Variants in PITPNM2 observed in about 807,000 individuals in gnomAD.
The protein encoded by PITPNM2 is membrane-associated phosphatidylinositol transfer protein 2.
In PITPNM2, 35 loss-of-function variants were observed where a neutral mutation model predicts 132.2. The observed-to-expected ratio is 0.26, with a 90% CI of 0.20 to 0.35. The LOEUF is 0.35. Ranked by LOEUF, PITPNM2 falls within the 10% of genes least tolerant of loss-of-function variation. The probability of loss-of-function intolerance (pLI) is 1.00; values close to 1 mark genes in which losing one functional copy is unlikely to be tolerated. For missense variants in PITPNM2, 1,332 were observed against 1,912.0 expected, an observed-to-expected ratio of 0.70 and a Z score of 5.66; for synonymous variants, 738 against 799.2, an observed-to-expected ratio of 0.92 and a Z score of 1.29.
Position 122,986,461 on chromosome 12 carries a change from G to A in PITPNM2, c.3701C>T (p.Thr1234Ile), listed in dbSNP as rs1379302345. The change falls in exon 25 of 26, where the codon ACC (threonine) becomes ATC (isoleucine). Residue 1234 changes from threonine (T) to isoleucine (I), a missense_variant. Coordinates refer to ENST00000320201, the MANE Select transcript of PITPNM2 (RefSeq NM_020845.3). The stretch of plus-strand genomic sequence containing the variant: ...CTGGCACTGCTGCTGCAGCTTCTTG[G>A]TGGGCCGGCCCACGATGTAGATCTG... The part of the protein sequence containing the change: ...PMQIYIVGRP[T>I]KKLQQQCQFI... 4 of 1,577,498 alleles carry A rather than the reference G, an allele frequency of 2.5e-6. No homozygotes were observed. Among genetic ancestry groups the A allele is most frequent in the Non-Finnish European group, 3.4e-6 (4 of 1,162,144 alleles).
intron 2 of PITPNM2, among the ~76,000 whole-genome samples, chr12:123,059,466 C>T (rs549066397): frequency 6.6e-6 from 1 of 152,248 alleles, no homozygotes; most frequent in South Asian, 2.1e-4. Context: ...CCCAGCTTTA[C>T]CACCTTCTGG....
Position 123,150,874 on chromosome 12 carries a change from C to T in PITPNM2, c.-321G>A, listed in dbSNP as rs1383876560. Among the ~76,000 whole-genome samples, 1 of 145,988 alleles carries T rather than the reference C, an allele frequency of 6.8e-6. No homozygotes were observed. ...CCGGCCCGGCCGGCTGCGCCCCGCG[C>T]GCCCCCGCCGCCTGCTGGCCCCGGG... On this transcript the variant is annotated 5_prime_UTR_variant, in exon 1 of 26. Transcript: ENST00000320201. The surrounding 1 kb of genome is among the most constrained non-coding windows in gnomAD (Gnocchi z 6.0).
chr12:123,011,520 G>A (rs148485258), intron 5 of PITPNM2, among the ~76,000 whole-genome samples: 21 of 152,310 alleles, frequency 1.4e-4, no homozygotes, highest in Non-Finnish European at 2.1e-4. Flanking sequence ...CAATTCCTAC[G>A]CTGACGTACT....
intron 3 of PITPNM2, 52 bp from the exon 4 acceptor site, chr12:123,014,094 G>A (rs1191938208): frequency 6.3e-7 from 1 of 1,594,674 alleles, no homozygotes; most frequent in African/African-American, 1.3e-5. Flanking sequence ...CACTCTTCAG[G>A]AGGGAAGGGG....
At chr12:123,135,392 CCT>C (rs1379152735) in intron 1 of PITPNM2, among the ~76,000 whole-genome samples, 2 of 152,044 alleles carry the variant, frequency 1.3e-5, no homozygotes, top group African/African-American at 4.8e-5. Flanking sequence ...TGACCCCCCC[CCT>C]TAACAAAACT....
At chr12:123,086,440 T>C (rs1481358262) in intron 2 of PITPNM2, among the ~76,000 whole-genome samples, 1 of 152,006 alleles carries the variant, frequency 6.6e-6, no homozygotes, top group African/African-American at 2.4e-5. Flanking sequence ...TGGTCAAAGG[T>C]CGGTAAATGG....
intron 2 of PITPNM2, among the ~76,000 whole-genome samples, chr12:123,054,226 C>T (rs530991156): frequency 2.0e-5 from 3 of 152,194 alleles, no homozygotes; most frequent in Admixed American, 2.0e-4. Context: ...GCGATCCACA[C>T]CTAGAAACCT....
intron 2 of PITPNM2, among the ~76,000 whole-genome samples, chr12:123,042,629 G>A (rs1052684761): frequency 2.6e-5 from 4 of 152,148 alleles, no homozygotes; most frequent in African/African-American, 9.7e-5. Context: ...GGGGGCCTGG[G>A]ACTCAGGACT....
chr12:122,988,574 C>T (rs1489674893), intron 19 of PITPNM2, 150 bp downstream of exon 19: 5 of 874,262 alleles, frequency 5.7e-6, no homozygotes, highest in Non-Finnish European at 8.7e-6. Flanking sequence ...AGCCTGAATA[C>T]ACCCGAGCAT....
intron 14 of PITPNM2, among the ~76,000 whole-genome samples, 169 bp from the exon 15 acceptor site, chr12:122,995,148 C>G (rs2038369963): frequency 6.6e-6 from 1 of 152,162 alleles, no homozygotes; most frequent in African/African-American, 2.4e-5. Context: ...CTCTGCCATT[C>G]CCCACCCTCA....
intron 2 of PITPNM2, among the ~76,000 whole-genome samples, chr12:123,062,737 A>T (rs1258867646): frequency 2.0e-5 from 3 of 152,148 alleles, no homozygotes; most frequent in African/African-American, 7.2e-5. Flanking sequence ...TTCAGGAAAA[A>T]TTTTGCTGCC....
intron 1 of PITPNM2, among the ~76,000 whole-genome samples, chr12:123,115,002 T>A (rs2042908374): frequency 6.6e-6 from 1 of 152,122 alleles, no homozygotes; most frequent in Admixed American, 6.5e-5. Flanking sequence ...TCAGGGAAAG[T>A]CAGGTGGCTG....
At chr12:123,043,162 A>G (rs372778534) in intron 2 of PITPNM2, among the ~76,000 whole-genome samples, 17 of 152,042 alleles carry the variant, frequency 1.1e-4, no homozygotes, top group East Asian at 3.9e-4. Flanking sequence ...CTGCAGGCCA[A>G]CCCTCCCCTT....
chr12:123,056,773 T>A (rs1280739341), intron 2 of PITPNM2, among the ~76,000 whole-genome samples: 1 of 152,082 alleles, frequency 6.6e-6, no homozygotes, highest in Non-Finnish European at 1.5e-5. Flanking sequence ...CCCAGCCCAA[T>A]CAGGGGTCCT....
chr12:123,021,316 C>T (rs2039663617), intron 3 of PITPNM2, among the ~76,000 whole-genome samples: 2 of 152,230 alleles, frequency 1.3e-5, no homozygotes, highest in East Asian at 3.9e-4. Context: ...TGAGGACCCA[C>T]CTGCTGAGAA....
At chr12:123,013,597 A>G (rs2039299573) in intron 4 of PITPNM2, among the ~76,000 whole-genome samples, 1 of 152,190 alleles carries the variant, frequency 6.6e-6, no homozygotes. Flanking sequence ...CATGGCCTCC[A>G]CACGTAGGCA....
chr12:123,147,563 A>AAC (rs1306654793), intron 1 of PITPNM2, among the ~76,000 whole-genome samples: 2 of 152,158 alleles, frequency 1.3e-5, no homozygotes, highest in Non-Finnish European at 2.9e-5. Context: ...TTTATACATA[A>AAC]ACACACACAC....
intron 1 of PITPNM2, among the ~76,000 whole-genome samples, chr12:123,126,512 G>A (rs1250813029): frequency 6.6e-6 from 1 of 152,176 alleles, no homozygotes; most frequent in African/African-American, 2.4e-5. Flanking sequence ...TGGTGGTCAT[G>A]CAAACCACTA....
chr12:123,029,423 T>C (rs1440858977), intron 3 of PITPNM2, among the ~76,000 whole-genome samples: 1 of 152,116 alleles, frequency 6.6e-6, no homozygotes, highest in Non-Finnish European at 1.5e-5. Flanking sequence ...CCATCTCTAC[T>C]AAAAATACAA....
Sources: gnomAD v4.1 joint callset for allele counts (sites outside exome capture counted in the v4.1 genomes callset) on GRCh38, gnomAD v4.1.1 for gene constraint, Gnocchi (gnomAD v3.1) non-coding constraint, MANE v1.5 for transcripts, NCBI Gene and HGNC (gene_info 2026-07-23, HGNC 2026-07-21) for gene names.